MEGF11: variants seen among roughly 807,000 people sequenced by gnomAD.
The protein encoded by MEGF11 is multiple epidermal growth factor-like domains protein 11.
In MEGF11, 126 loss-of-function variants were observed where a neutral mutation model predicts 146.6. That is an observed-to-expected ratio of 0.86 (90% CI 0.74 to 1.00). The LOEUF is 1.00. Among genes scored for constraint, MEGF11 ranks in the 50% least tolerant of loss-of-function variants. MEGF11 has a pLI of 0.00. For synonymous variants in MEGF11, 532 were observed against 583.4 expected (o/e 0.91, Z 1.27); for missense variants, 1,509 against 1,521.2 (o/e 0.99, Z 0.13).
At chr15:66,014,965 GGA>G (rs1491541913) in intron 5 of MEGF11, among the ~76,000 whole-genome samples, 3 of 8,120 alleles carry the variant, frequency 3.7e-4, no homozygotes, top group African/African-American at 4.0e-4. Flanking sequence ...CAGCTCTAGA[GGA>G]AAAAAAAAAA....
At chr15:66,080,244 A>G (rs866271312) in intron 5 of MEGF11, among the ~76,000 whole-genome samples, 31 of 152,090 alleles carry the variant, frequency 2.0e-4, no homozygotes, top group South Asian at 4.1e-4. Flanking sequence ...CTGTCCTCGC[A>G]CTTCTGACCC....
At chr15:65,950,648 G>A (rs2141440904) in intron 10 of MEGF11, among the ~76,000 whole-genome samples, 1 of 151,884 alleles carries the variant, frequency 6.6e-6, no homozygotes, top group African/African-American at 2.4e-5. Flanking sequence ...AAAGAAACTA[G>A]GGGCACAGAG....
intron 1 of MEGF11, among the ~76,000 whole-genome samples, chr15:66,213,282 A>T (rs1184567642): frequency 6.6e-6 from 1 of 152,020 alleles, no homozygotes; most frequent in Non-Finnish European, 1.5e-5. Flanking sequence ...CAACCCTTCA[A>T]TTTATGGATG....
At chr15:65,951,418 G>A (rs2141445860) in intron 10 of MEGF11, among the ~76,000 whole-genome samples, 1 of 152,334 alleles carries the variant, frequency 6.6e-6, no homozygotes, top group African/African-American at 2.4e-5. Flanking sequence ...TGGGCACAGT[G>A]GCTCAAGCCT....
At chr15:66,086,802 C>T (rs1260608157) in intron 5 of MEGF11, among the ~76,000 whole-genome samples, 1 of 152,156 alleles carries the variant, frequency 6.6e-6, no homozygotes, top group Non-Finnish European at 1.5e-5. Context: ...CAATAAAGAA[C>T]AGGATGAATG....
At chr15:66,088,962 C>A (rs1024458998) in intron 5 of MEGF11, among the ~76,000 whole-genome samples, 11 of 152,156 alleles carry the variant, frequency 7.2e-5, no homozygotes, top group African/African-American at 2.7e-4. Flanking sequence ...TACCAAATTG[C>A]ACATTTAAAA....
intron 5 of MEGF11, among the ~76,000 whole-genome samples, chr15:66,081,128 A>T (rs1752815416): frequency 1.3e-5 from 2 of 152,076 alleles, no homozygotes; most frequent in Admixed American, 1.3e-4. Flanking sequence ...GGGGGCGAGG[A>T]TGTGATCACA....
At chr15:66,184,766 ATC>A (rs1245676311) in intron 1 of MEGF11, among the ~76,000 whole-genome samples, 8 of 149,910 alleles carry the variant, frequency 5.3e-5, no homozygotes, top group African/African-American at 2.0e-4. Flanking sequence ...TCTGCTCAGG[ATC>A]TCTCTCTGTA....
intron 1 of MEGF11, among the ~76,000 whole-genome samples, chr15:66,155,825 G>A (rs2089735953): frequency 6.6e-6 from 1 of 152,204 alleles, no homozygotes; most frequent in Non-Finnish European, 1.5e-5. Flanking sequence ...CCACTCCACT[G>A]CTGCAGCCCG....
At chr15:66,213,095 C>T (rs1303843190) in intron 1 of MEGF11, among the ~76,000 whole-genome samples, 1 of 152,176 alleles carries the variant, frequency 6.6e-6, no homozygotes, top group Non-Finnish European at 1.5e-5. Context: ...AATCCCTGCA[C>T]TGGGGAAGTG....
intron 8 of MEGF11, among the ~76,000 whole-genome samples, chr15:65,965,927 CCAGAAT>C (rs537393263): frequency 2.4e-4 from 37 of 152,146 alleles, no homozygotes; most frequent in Non-Finnish European, 5.1e-4. Flanking sequence ...CCACCCATCT[CCAGAAT>C]GTTTCCGTCT....
intron 1 of MEGF11, among the ~76,000 whole-genome samples, chr15:66,166,071 T>C (rs1202233101): frequency 6.6e-6 from 1 of 152,108 alleles, no homozygotes; most frequent in Admixed American, 6.5e-5. Context: ...GTGCCCATAG[T>C]TACATCAGCA....
At chr15:66,073,379 C>A (rs1381396442) in intron 5 of MEGF11, among the ~76,000 whole-genome samples, 1 of 152,218 alleles carries the variant, frequency 6.6e-6, no homozygotes, top group Non-Finnish European at 1.5e-5. Flanking sequence ...CCATCTCCCA[C>A]AGCTTCCGGG....
intron 1 of MEGF11, among the ~76,000 whole-genome samples, chr15:66,181,643 C>G (rs191668232): frequency 1.6e-4 from 25 of 152,270 alleles, no homozygotes; most frequent in African/African-American, 5.8e-4. Flanking sequence ...TTTCTCTGTT[C>G]TCATTTTCCT....
At chr15:66,082,524 T>TAAA in intron 5 of MEGF11, among the ~76,000 whole-genome samples, 2 of 138,826 alleles carry the variant, frequency 1.4e-5, no homozygotes, top group Non-Finnish European at 3.0e-5. Context: ...TATAAATAAA[T>TAAA]TAGCCAGGTG....
At chr15:66,037,570 A>G (rs925273382) in intron 5 of MEGF11, among the ~76,000 whole-genome samples, 1 of 152,150 alleles carries the variant, frequency 6.6e-6, no homozygotes, top group African/African-American at 2.4e-5. Flanking sequence ...GAGCTCTTAT[A>G]ACGTGGAAAT....
intron 1 of MEGF11, among the ~76,000 whole-genome samples, chr15:66,202,328 G>T (rs1343301027): frequency 6.6e-6 from 1 of 152,188 alleles, no homozygotes; most frequent in East Asian, 1.9e-4. Flanking sequence ...GAACCCCTGT[G>T]TTTTCACAAT....
At chr15:66,092,215 G>A (rs758584600) in intron 5 of MEGF11, among the ~76,000 whole-genome samples, 103 of 152,342 alleles carry the variant, frequency 6.8e-4, no homozygotes, top group Admixed American at 2.8e-3. Context: ...CCTTGTCAGT[G>A]GAGGTATTCA....
intron 1 of MEGF11, among the ~76,000 whole-genome samples, chr15:66,220,139 G>C (rs2091695249): frequency 6.6e-6 from 1 of 152,080 alleles, no homozygotes; most frequent in Admixed American, 6.6e-5. Context: ...CAAAGGCCTG[G>C]GGAGAAGCAA....
Sources: gnomAD v4.1 joint callset for allele counts (sites outside exome capture counted in the v4.1 genomes callset) on GRCh38, gnomAD v4.1.1 for gene constraint, MANE v1.5 for transcripts, NCBI Gene and HGNC (gene_info 2026-07-23, HGNC 2026-07-21) for gene names.